STK4: variants seen among roughly 807,000 people sequenced by gnomAD.
The protein encoded by STK4 is serine/threonine kinase 4.
A neutral mutation model predicts 64.9 loss-of-function variants in STK4; 30 were observed. That is an observed-to-expected ratio of 0.46 (90% CI 0.35 to 0.63). STK4 has a LOEUF of 0.63. Among genes scored for constraint, STK4 ranks in the 20% least tolerant of loss-of-function variants. The pLI, the probability that STK4 is intolerant of heterozygous loss-of-function variation, is 0.01. For synonymous variants in STK4, 177 were observed against 199.0 expected, an observed-to-expected ratio of 0.89 and a Z score of 0.93; for missense variants, 466 against 598.5, an observed-to-expected ratio of 0.78 and a Z score of 2.31.
intron 10 of STK4, among the ~76,000 whole-genome samples, chr20:45,057,351 C>T (rs1484020778): frequency 6.6e-6 from 1 of 152,198 alleles, no homozygotes; most frequent in Non-Finnish European, 1.5e-5. Context: ...AGAGGTAACA[C>T]ACTATCCCTA....
chr20:45,006,632 C>T (rs1475807661), intron 9 of STK4, among the ~76,000 whole-genome samples: 2 of 152,102 alleles, frequency 1.3e-5, no homozygotes, highest in Admixed American at 6.5e-5. Flanking sequence ...TTGGGTTGTA[C>T]AGGCATCCCT....
chr20:45,026,311 CAGAA>C (rs938002864), intron 10 of STK4, among the ~76,000 whole-genome samples: 7 of 113,372 alleles, frequency 6.2e-5, no homozygotes, highest in Admixed American at 2.5e-4. Flanking sequence ...GGTTAGGAGA[CAGAA>C]AGAGTGTGTG....
chr20:44,995,844 T>C (rs1218390217), intron 6 of STK4, among the ~76,000 whole-genome samples: 1 of 152,094 alleles, frequency 6.6e-6, no homozygotes, highest in Non-Finnish European at 1.5e-5. Context: ...TGCTACTCTC[T>C]CTCTCTGTCT....
intron 9 of STK4, among the ~76,000 whole-genome samples, chr20:45,010,308 G>T (rs1053101026): frequency 6.6e-6 from 1 of 152,160 alleles, no homozygotes; most frequent in East Asian, 1.9e-4. Flanking sequence ...CTTGTGATCC[G>T]CCTGCCTCTG....
intron 10 of STK4, among the ~76,000 whole-genome samples, chr20:45,064,326 G>A (rs1255361114): frequency 1.3e-5 from 2 of 151,434 alleles, no homozygotes; most frequent in South Asian, 2.1e-4. Context: ...GGTTACTGTA[G>A]CCTTGTAGCC....
chr20:45,032,732 A>G (rs1016679442), intron 10 of STK4, among the ~76,000 whole-genome samples: 2 of 152,202 alleles, frequency 1.3e-5, no homozygotes, highest in Non-Finnish European at 2.9e-5. Flanking sequence ...CAGCGAACAC[A>G]ACACATGCAT....
chr20:44,995,605 CAAAAAAAAAA>C (rs60140206), intron 6 of STK4, among the ~76,000 whole-genome samples: 1 of 54,552 alleles, frequency 1.8e-5, no homozygotes, highest in Non-Finnish European at 3.4e-5. Flanking sequence ...GACTCCATCT[CAAAAAAAAAA>C]AAAAAAAAAA....
chr20:44,974,690 T>A (rs914529698), intron 2 of STK4: 3 of 152,042 alleles, frequency 2.0e-5, no homozygotes, highest in African/African-American at 7.2e-5. Context: ...AGGATGGTCT[T>A]GATCTCGTGA....
intron 10 of STK4, among the ~76,000 whole-genome samples, chr20:45,030,100 A>T (rs1307821294): frequency 6.9e-6 from 1 of 145,634 alleles, no homozygotes; most frequent in Non-Finnish European, 1.5e-5. Flanking sequence ...TGTTTCCCTC[A>T]CAGTTGCTTT....
intron 10 of STK4, among the ~76,000 whole-genome samples, chr20:45,033,554 C>A (rs941025464): frequency 6.6e-6 from 1 of 151,694 alleles, no homozygotes; most frequent in African/African-American, 2.4e-5. Context: ...TGCTTGTGTT[C>A]GTCAACTTTG....
At chr20:45,053,060 TG>T in intron 10 of STK4, 1 of 1,514,456 alleles carries the variant, frequency 6.6e-7, no homozygotes, top group South Asian at 1.1e-5. Context: ...TGGAATATAA[TG>T]AGATTTTGTG....
chr20:45,058,877 T>G lies in STK4; in HGVS notation c.1306-16141T>G, dbSNP rs1254864338. Among the ~76,000 whole-genome samples the G allele has an allele frequency of 2.0e-5, 3 of 152,222 alleles. No homozygotes were observed. The East Asian group carries it at 5.8e-4, about 29-fold the overall frequency. ...AAACATCAAGAGCCTCGCATTCTTG[T>G]ACTCTACCTTCTGTAGACATTTACA... On this transcript the variant is annotated intron_variant, in intron 10 of 10. Coordinates refer to ENST00000372806, the MANE Select transcript of STK4 (RefSeq NM_006282.5).
intron 6 of STK4, 120 bp from the exon 7 acceptor site, chr20:44,997,049 T>G: frequency 1.4e-6 from 2 of 1,424,690 alleles, no homozygotes; most frequent in Non-Finnish European, 1.9e-6. Flanking sequence ...TGGGTGAGCT[T>G]CTCAGTGGGT....
At chr20:44,971,959 A>T in intron 1 of STK4, 119 bp from the exon 2 acceptor site, 1 of 907,780 alleles carries the variant, frequency 1.1e-6, no homozygotes, top group Non-Finnish European at 1.7e-6. Context: ...AAACAGTCTT[A>T]ACTAGTGAAG....
At chr20:45,025,205 AT>A in intron 10 of STK4, 75 bp downstream of exon 10, 5 of 1,509,126 alleles carry the variant, frequency 3.3e-6, no homozygotes, top group Non-Finnish European at 4.4e-6. Flanking sequence ...GTGCCCAAGC[AT>A]TTTCTTGTGC....
At chr20:44,982,262 G>A (rs1251176429) in intron 4 of STK4, among the ~76,000 whole-genome samples, 1 of 151,492 alleles carries the variant, frequency 6.6e-6, no homozygotes, top group Non-Finnish European at 1.5e-5. Context: ...GACTACAGGC[G>A]TGTACCACCA....
At chr20:44,984,454 G>A (rs556086544) in intron 4 of STK4, among the ~76,000 whole-genome samples, 3 of 151,954 alleles carry the variant, frequency 2.0e-5, no homozygotes, top group East Asian at 1.9e-4. Flanking sequence ...TGCCTGCCTC[G>A]GCCTCCCAAA....
intron 10 of STK4, among the ~76,000 whole-genome samples, chr20:45,032,860 C>G (rs2068468351): frequency 6.6e-6 from 1 of 152,120 alleles, no homozygotes; most frequent in Non-Finnish European, 1.5e-5. Flanking sequence ...GGCTTTCCAC[C>G]ATGATTGAAC....
Position 44,972,002 on chromosome 20 carries a change from T to TA in STK4, c.36-68dup, listed in dbSNP as rs1237975413. The TA allele has an allele frequency of 3.5e-5, 49 of 1,410,008 alleles. No homozygotes were observed. The East Asian group carries it at 3.7e-4, about 11-fold the overall frequency. 87.3% of individuals were successfully genotyped at this position (1,410,008 alleles called of 1,614,324 possible). On this transcript the variant is annotated intron_variant, in intron 1 of 10. Coordinates refer to ENST00000372806, the MANE Select transcript of STK4 (RefSeq NM_006282.5). The stretch of plus-strand genomic sequence containing the variant: ...AGAGAAGTTCCTGAGATGCTAATTA[T>TA]AAAAAAAAGATATATTTTATGTTCT...
Sources: allele counts gnomAD v4.1 joint callset (sites outside exome capture counted in the v4.1 genomes callset), GRCh38; gene constraint gnomAD v4.1.1; transcripts MANE v1.5; gene names NCBI Gene and HGNC (gene_info 2026-07-23, HGNC 2026-07-21).